The following STRN3 variants were observed in gnomAD, a reference collection of about 807,000 sequenced individuals.
STRN3 encodes striatin 3, also known as striatin-3.
STRN3 carries 29 observed loss-of-function variants against 95.6 expected under a neutral mutation model. That is an observed-to-expected ratio of 0.30 (90% confidence interval 0.23 to 0.41). The LOEUF (loss-of-function observed/expected upper bound fraction) is 0.41. STRN3 is among the 10% of genes least tolerant of loss of function. The pLI is 1.00. For missense variants in STRN3, 890 were observed against 972.1 expected (o/e 0.92, Z 1.12); for synonymous variants, 331 against 357.6 (o/e 0.93, Z 0.84).
intron 1 of STRN3, among the ~76,000 whole-genome samples, chr14:30,977,535 G>A (rs1009712974): frequency 7.9e-5 from 12 of 151,538 alleles, no homozygotes; most frequent in Admixed American, 7.2e-4. Flanking sequence ...TGTAATCCCA[G>A]CACTTTGGGA....
intron 9 of STRN3, 127 bp from the exon 10 acceptor site, chr14:30,913,784 TCTA>T: frequency 1.7e-6 from 2 of 1,183,388 alleles, no homozygotes; most frequent in Non-Finnish European, 2.3e-6. Flanking sequence ...TTTTCCCACT[TCTA>T]CTCAAAAAAT....
At chr14:30,917,753 G>GA (rs2139009066) in intron 9 of STRN3, among the ~76,000 whole-genome samples, 1 of 151,950 alleles carries the variant, frequency 6.6e-6, no homozygotes, top group African/African-American at 2.4e-5. Context: ...TTATGAGAGG[G>GA]AAAAAATGCA....
At position 30,905,467 on chromosome 14, in the gene STRN3, A is replaced by G. The variant is rs1896436629; in HGVS notation, c.1980T>C (p.Asp660=). ...TCACCAATGACTGTGATGTTTCTAA[A>G]TCATAAATTACTGCACTACCAGTGT... ...SFNTGSAVIY[D]LETSQSLVIL... The change falls in exon 15 of 18, where the codon GAT becomes GAC. Residue 660 remains aspartate, a synonymous_variant. Transcript: ENST00000357479. The G allele has an allele frequency of 1.2e-6, 2 of 1,609,328 alleles. No homozygotes were observed. The highest frequency in any genetic ancestry group is 1.7e-6 in the Non-Finnish European group (2 of 1,178,250).
At chr14:31,003,933 A>C in intron 1 of STRN3, among the ~76,000 whole-genome samples, 1 of 151,530 alleles carries the variant, frequency 6.6e-6, no homozygotes, top group Admixed American at 6.6e-5. Flanking sequence ...CCTCCCAGGC[A>C]CTTAAGCCCA....
chr14:30,947,388 C>G, intron 4 of STRN3, 125 bp from the exon 5 acceptor site: 2 of 720,026 alleles, frequency 2.8e-6, no homozygotes, highest in East Asian at 2.9e-5. Context: ...CAGTATCTTT[C>G]TTCTCTACAG....
intron 7 of STRN3, among the ~76,000 whole-genome samples, chr14:30,934,798 T>C (rs889918639): frequency 3.3e-5 from 5 of 152,142 alleles, no homozygotes; most frequent in African/African-American, 7.2e-5. Context: ...TACAGAGAGT[T>C]AAATCTTCCT....
At chr14:30,922,933 C>T (rs1395947344) in intron 8 of STRN3, among the ~76,000 whole-genome samples, 3 of 151,970 alleles carry the variant, frequency 2.0e-5, no homozygotes, top group East Asian at 1.9e-4. Flanking sequence ...AAAAAAATCC[C>T]GAGTTAAAGG....
chr14:30,952,796 A>AT (rs1350019213), intron 3 of STRN3, among the ~76,000 whole-genome samples: 2 of 152,172 alleles, frequency 1.3e-5, no homozygotes, highest in African/African-American at 4.8e-5. Context: ...CCCTCTACTG[A>AT]TTTTTCTATT....
rs34255465 is a variant in STRN3, at chr14:30,894,893, C to CTT, written c.*516_*517dup. 0.031 allele frequency: 22,508 copies of CTT among 736,592 alleles called. 4 individuals carry two copies. The highest frequency in any genetic ancestry group is 0.035 in the Non-Finnish European group (19,597 of 557,944). 45.6% of individuals were successfully genotyped at this position (736,592 alleles called of 1,614,324 possible). On this transcript the variant is annotated 3_prime_UTR_variant, in exon 18 of 18. Transcript: ENST00000357479. ...ATATTTTAAGTTAAATTTTCTTTTT[C>CTT]TTTTTTTTTTTTTTTAAAGCAAAAT...
At chr14:30,982,130 GGA>G (rs1491410801) in intron 1 of STRN3, among the ~76,000 whole-genome samples, 2 of 144,286 alleles carry the variant, frequency 1.4e-5, no homozygotes, top group Admixed American at 1.4e-4. Flanking sequence ...AATTCCAAGG[GGA>G]AAAAAAAAGA....
chr14:30,909,078 G>T (rs1896542197), intron 13 of STRN3, among the ~76,000 whole-genome samples: 1 of 151,632 alleles, frequency 6.6e-6, no homozygotes, highest in Non-Finnish European at 1.5e-5. Context: ...TGTTCTGAAT[G>T]TTTGAAATGT....
chr14:30,981,576 T>TCACACACACACACACACA (rs34644271), intron 1 of STRN3, among the ~76,000 whole-genome samples: 50 of 145,406 alleles, frequency 3.4e-4, no homozygotes, highest in East Asian at 2.5e-3. Context: ...AGCTTAGAAT[T>TCACACACACACACACACA]CACACACACA....
rs1476946556 is a variant in STRN3 at position 30,894,303 on chromosome 14, AACC to A, written c.*1105_*1107del. On this transcript the variant is annotated 3_prime_UTR_variant, in exon 18 of 18. Transcript: ENST00000357479. Reference sequence around the variant, plus strand: ...AAACCAAGATATATATCTTAGGGGGAACCACCTTGGTTTGTAATTTAAACTATA... The same window carrying A: ...AAACCAAGATATATATCTTAGGGGGAACCTTGGTTTGTAATTTAAACTATA... The A allele has an allele frequency of 2.0e-5, 3 of 152,368 alleles. No individual in the cohort carries two copies. The highest frequency in any genetic ancestry group is 1.3e-4 in the Admixed American group (2 of 15,270). The allele number at this position is 152,368 out of a possible 1,614,324, so 9.4% of individuals were successfully genotyped here.
chr14:31,012,559 T>C (rs771065194), intron 1 of STRN3, among the ~76,000 whole-genome samples: 5 of 151,774 alleles, frequency 3.3e-5, no homozygotes, highest in Non-Finnish European at 7.4e-5. Context: ...GGATCAACTT[T>C]GGCCTATCTA....
At chr14:30,981,712 T>A (rs538856681) in intron 1 of STRN3, among the ~76,000 whole-genome samples, 1 of 152,246 alleles carries the variant, frequency 6.6e-6, no homozygotes, top group South Asian at 2.1e-4. Flanking sequence ...TCAATTTCTG[T>A]CTTTTCAAAG....
intron 7 of STRN3, among the ~76,000 whole-genome samples, chr14:30,933,045 C>A (rs1878618709): frequency 6.6e-6 from 1 of 151,620 alleles, no homozygotes; most frequent in Non-Finnish European, 1.5e-5. Flanking sequence ...GAGGCCAAGG[C>A]AGGCAGACTG....
chr14:30,916,793 T>TACTA (rs1896751343), intron 9 of STRN3, among the ~76,000 whole-genome samples: 1 of 152,162 alleles, frequency 6.6e-6, no homozygotes, highest in East Asian at 1.9e-4. Context: ...AAGATAACAA[T>TACTA]ACTAGTATAA....
At chr14:31,021,797 G>A (rs896693012) in intron 1 of STRN3, among the ~76,000 whole-genome samples, 4 of 152,178 alleles carry the variant, frequency 2.6e-5, no homozygotes, top group African/African-American at 7.2e-5. Context: ...AAAACATAGT[G>A]TTCTACGAAG....
intron 16 of STRN3, 118 bp from the exon 17 acceptor site, chr14:30,895,866 A>G: frequency 1.2e-6 from 1 of 815,022 alleles, no homozygotes; most frequent in East Asian, 2.7e-5. Flanking sequence ...TTATTGTGGT[A>G]AAATATACAC....
Sources: gnomAD v4.1 joint callset for allele counts (sites outside exome capture counted in the v4.1 genomes callset) on GRCh38, gnomAD v4.1.1 for gene constraint, MANE v1.5 for transcripts, NCBI Gene and HGNC (gene_info 2026-07-23, HGNC 2026-07-21) for gene names.